Variants in CFAP418 observed in about 807,000 individuals in gnomAD.
CFAP418 encodes the protein cilia- and flagella-associated protein 418.
Under a neutral mutation model 24.7 loss-of-function variants are expected in CFAP418, and 27 were observed. The observed-to-expected ratio is 1.09, with a 90% CI of 0.81 to 1.51. The LOEUF is 1.51. Ranked by LOEUF, CFAP418 falls within the 40% of genes most tolerant of loss-of-function variation. CFAP418 has a pLI of 0.00. For missense variants in CFAP418, 257 were observed against 255.2 expected, an observed-to-expected ratio of 1.01 and a Z score of -0.05; for synonymous variants, 74 against 87.3, an observed-to-expected ratio of 0.85 and a Z score of 0.85.
At chr8:95,259,939 T>A (rs1445114262) in intron 3 of CFAP418, 34 bp from the exon 4 acceptor site, 2 of 1,525,354 alleles carry the variant, frequency 1.3e-6, no homozygotes, top group Non-Finnish European at 8.8e-7. Flanking sequence ...AAATATGAAG[T>A]TATAACAAAA....
At chr8:95,258,887 T>A (rs1239802512) in intron 4 of CFAP418, among the ~76,000 whole-genome samples, 1 of 152,248 alleles carries the variant, frequency 6.6e-6, no homozygotes, top group Non-Finnish European at 1.5e-5. Context: ...TGTAGTAGGC[T>A]AGTATACCAC....
Position 95,246,932 on chromosome 8 carries a change from ATATAT to A in CFAP418, c.*680_*684del, listed in dbSNP as rs931129563. 2.0e-5 allele frequency: 3 copies of A among 152,212 alleles called. No individual in the cohort carries two copies. The highest frequency in any genetic ancestry group is 7.2e-5 in the African/African-American group (3 of 41,448). The allele number at this position is 152,212 out of a possible 1,614,324, so 9.4% of individuals were successfully genotyped here. Reference sequence around the variant, plus strand: ...ATTTTGGGTGCATCAAACTCTTTTTATATATTATTGGGTAATCAAAATAGAAAATA... The same window carrying A: ...ATTTTGGGTGCATCAAACTCTTTTTATATTGGGTAATCAAAATAGAAAATA... On this transcript the variant is annotated 3_prime_UTR_variant, in exon 6 of 6. Coordinates refer to ENST00000286688, the MANE Select transcript of CFAP418 (RefSeq NM_177965.4).
At chr8:95,262,552 CT>C (rs1191832161) in intron 2 of CFAP418, among the ~76,000 whole-genome samples, 2 of 152,062 alleles carry the variant, frequency 1.3e-5, no homozygotes, top group African/African-American at 4.8e-5. Flanking sequence ...TTGTATCTTT[CT>C]TTTAAATCTA....
At chr8:95,252,496 T>G (rs1357588872) in intron 4 of CFAP418, among the ~76,000 whole-genome samples, 1 of 152,248 alleles carries the variant, frequency 6.6e-6, no homozygotes. Flanking sequence ...CCTACCTATT[T>G]TACTATGATC....
rs1587345882 is a variant in CFAP418 at position 95,245,048 on chromosome 8, TG to T, written c.*2568del. The T allele has an allele frequency of 6.6e-6, 1 of 152,154 alleles. No homozygotes were observed. Among genetic ancestry groups the T allele is most frequent in the African/African-American group, 2.4e-5 (1 of 41,432 alleles). 9.4% of individuals were successfully genotyped at this position (152,154 alleles called of 1,614,324 possible). A position where few individuals can be genotyped will look rare whatever the true frequency, so the allele number is the denominator to read the frequency against. Reference sequence around the variant, plus strand: ...ATACAGTTCAAATAAAGAAGTTACCTGGCTTAAAAATAGCTACTTGCTAAAG... The same window carrying T: ...ATACAGTTCAAATAAAGAAGTTACCTGCTTAAAAATAGCTACTTGCTAAAG... On this transcript the variant is annotated 3_prime_UTR_variant, in exon 6 of 6. Coordinates refer to ENST00000286688, the MANE Select transcript of CFAP418 (RefSeq NM_177965.4).
At position 95,245,939 on chromosome 8, in the gene CFAP418, T is replaced by C. The variant is rs752842895; in HGVS notation, c.*1678A>G. ...TTTCTGACTCAATTACATATAGATA[T>C]AACTTTAGGGATATAATACATTTTT... On this transcript the variant is annotated 3_prime_UTR_variant, in exon 6 of 6. Transcript: ENST00000286688. 3.9e-5 allele frequency: 6 copies of C among 152,068 alleles called. No individual in the cohort carries two copies. Among genetic ancestry groups the C allele is most frequent in the Non-Finnish European group, 7.4e-5 (5 of 68,020 alleles). 9.4% of individuals were successfully genotyped at this position (152,068 alleles called of 1,614,324 possible). A position where few individuals can be genotyped will look rare whatever the true frequency, so the allele number is the denominator to read the frequency against.
At chr8:95,250,415 T>C (rs552650783) in intron 5 of CFAP418, among the ~76,000 whole-genome samples, 1 of 152,354 alleles carries the variant, frequency 6.6e-6, no homozygotes, top group Admixed American at 6.5e-5. Context: ...TCTTGATAAC[T>C]CTGAGATGCT....
chr8:95,268,833 C>T (rs575253094), intron 1 of CFAP418: 14 of 526,288 alleles, frequency 2.7e-5, no homozygotes, highest in Admixed American at 6.4e-5. Flanking sequence ...GGAGTCTGCG[C>T]TGAGTGAAGA....
In CFAP418 at chr8:95,268,303, G is replaced by C. The variant is rs75095226; in HGVS notation, c.155+732C>G. ...TCTACAAAAAATACAAATTAACCGG[G>C]CTCGTGCCTGTAATCCCAGTTTACG... is the stretch of plus-strand genomic sequence containing the variant. On this transcript the variant is annotated intron_variant, in intron 1 of 5. Transcript: ENST00000286688. 1.6e-3 allele frequency among the ~76,000 whole-genome samples: 244 copies of C among 152,056 alleles called. 2 individuals carry two copies. Among genetic ancestry groups the C allele is most frequent in the East Asian group, 0.013 (67 of 5,142 alleles).
intron 3 of CFAP418, among the ~76,000 whole-genome samples, chr8:95,260,220 T>TA (rs1811862851): frequency 6.6e-6 from 1 of 152,206 alleles, no homozygotes; most frequent in Non-Finnish European, 1.5e-5. Context: ...GAGAAACTGT[T>TA]CACACTTTTT....
At position 95,247,666 on chromosome 8, in the gene CFAP418, G is replaced by A; in HGVS notation, c.575C>T (p.Thr192Ile). Residue 192 changes from threonine (T) to isoleucine (I), a missense_variant, in exon 6 of 6, where the codon ACT (threonine) becomes ATT (isoleucine). Transcript: ENST00000286688. ...AAGCTGATGATCTGTCTGAAGGTCA[G>A]TCACTTCTTCAATAGTTCTCCAGCT... ...QCSWRTIEEV[T>I]DLQTDHQLRW... The A allele has an allele frequency of 1.2e-6, 2 of 1,614,184 alleles. No individual in the cohort carries two copies. Among genetic ancestry groups the A allele is most frequent in the Non-Finnish European group, 1.7e-6 (2 of 1,180,018 alleles).
chr8:95,246,606 G>A lies in CFAP418; in HGVS notation c.*1011C>T, dbSNP rs1811624910. The A allele has an allele frequency of 6.6e-6, 1 of 152,190 alleles. No individual in the cohort carries two copies. Among genetic ancestry groups the A allele is most frequent in the East Asian group, 1.9e-4 (1 of 5,202 alleles). The allele number at this position is 152,190 out of a possible 1,614,324, so 9.4% of individuals were successfully genotyped here. On this transcript the variant is annotated 3_prime_UTR_variant, in exon 6 of 6. Coordinates refer to ENST00000286688, the MANE Select transcript of CFAP418 (RefSeq NM_177965.4). ...TCCCAAAATCTCTCAATGGGGTTGG[G>A]AGCTAGAAATTTTGAGGGACCTGAT...
At chr8:95,263,997 T>C (rs1811934768) in intron 1 of CFAP418, among the ~76,000 whole-genome samples, 1 of 152,194 alleles carries the variant, frequency 6.6e-6, no homozygotes, top group African/African-American at 2.4e-5. Flanking sequence ...ATACTTGATA[T>C]TACATACTTC....
chr8:95,248,332 C>T (rs916220457), intron 5 of CFAP418, among the ~76,000 whole-genome samples: 25 of 152,104 alleles, frequency 1.6e-4, no homozygotes, highest in African/African-American at 5.3e-4. Flanking sequence ...GAATTACAAA[C>T]GCCCTATCAG....
chr8:95,255,189 C>T (rs1811768207), intron 4 of CFAP418, among the ~76,000 whole-genome samples: 1 of 152,128 alleles, frequency 6.6e-6, no homozygotes, highest in African/African-American at 2.4e-5. Context: ...GAACACAGGA[C>T]AAACTTTTTC....
intron 1 of CFAP418, among the ~76,000 whole-genome samples, chr8:95,265,374 A>C (rs902300683): frequency 3.3e-5 from 5 of 152,232 alleles, no homozygotes; most frequent in Admixed American, 1.3e-4. Flanking sequence ...TGACTATTTA[A>C]AATTTCTTTC....
intron 4 of CFAP418, 56 bp downstream of exon 4, chr8:95,259,784 G>A: frequency 8.2e-7 from 1 of 1,226,020 alleles, no homozygotes; most frequent in Non-Finnish European, 1.2e-6. Context: ...TTAACAATGG[G>A]GCATCCATTT....
At chr8:95,255,655 A>AT (rs1811775797) in intron 4 of CFAP418, among the ~76,000 whole-genome samples, 1 of 152,220 alleles carries the variant, frequency 6.6e-6, no homozygotes, top group African/African-American at 2.4e-5. Flanking sequence ...GTTCATCAAA[A>AT]TTTGTTCATT....
At chr8:95,257,529 T>C (rs1341901028) in intron 4 of CFAP418, among the ~76,000 whole-genome samples, 2 of 152,178 alleles carry the variant, frequency 1.3e-5, no homozygotes, top group Non-Finnish European at 2.9e-5. Context: ...CCCACTTCTA[T>C]TATTCAATAT....
Sources: gnomAD v4.1 joint callset for allele counts (sites outside exome capture counted in the v4.1 genomes callset) on GRCh38, gnomAD v4.1.1 for gene constraint, MANE v1.5 for transcripts, NCBI Gene and HGNC (gene_info 2026-07-23, HGNC 2026-07-21) for gene names.